CPNE4: variants seen among roughly 807,000 people sequenced by gnomAD.
CPNE4 encodes the protein copine-4.
CPNE4 carries 25 observed loss-of-function variants against 67.9 expected under a neutral mutation model. The observed-to-expected ratio is 0.37, with a 90% CI of 0.27 to 0.51. CPNE4 has a LOEUF of 0.51. Ranked by LOEUF, CPNE4 falls within the 20% of genes least tolerant of loss-of-function variation. CPNE4 has a pLI of 0.93. For synonymous variants in CPNE4, 242 were observed against 244.9 expected (o/e 0.99, Z 0.11); for missense variants, 464 against 690.8 (o/e 0.67, Z 3.68).
At chr3:131,664,699 G>T (rs2080214378) in intron 7 of CPNE4, among the ~76,000 whole-genome samples, 1 of 152,078 alleles carries the variant, frequency 6.6e-6, no homozygotes, top group South Asian at 2.1e-4. Flanking sequence ...ATGGGTTTTT[G>T]AGTCTCAGTT....
intron 2 of CPNE4, among the ~76,000 whole-genome samples, chr3:131,811,568 C>T (rs2084528157): frequency 6.6e-6 from 1 of 152,088 alleles, no homozygotes; most frequent in South Asian, 2.1e-4. Flanking sequence ...CATGGGAGTT[C>T]ACCCTTCCAC....
At chr3:132,035,612 G>A (rs1350085901), upstream of CPNE4, among the ~76,000 whole-genome samples, 1 of 152,178 alleles carries the variant, frequency 6.6e-6, no homozygotes, top group Non-Finnish European at 1.5e-5. Context: ...TATGTAAGGG[G>A]TGACCACTTC....
chr3:132,017,889 A>G (rs2073919318), intron 1 of CPNE4: 1 of 152,228 alleles, frequency 6.6e-6, no homozygotes, highest in Admixed American at 6.6e-5. Context: ...GCAGGGGAGA[A>G]TCTTTGAGGA....
At chr3:131,863,767 T>C (rs1315394675) in intron 2 of CPNE4, among the ~76,000 whole-genome samples, 1 of 152,242 alleles carries the variant, frequency 6.6e-6, no homozygotes, top group Non-Finnish European at 1.5e-5. Flanking sequence ...GTTTTAGACA[T>C]GAAGTCCTTG....
intron 7 of CPNE4, among the ~76,000 whole-genome samples, chr3:131,651,436 T>C (rs1035631209): frequency 3.9e-5 from 6 of 152,206 alleles, no homozygotes; most frequent in African/African-American, 1.4e-4. Flanking sequence ...GATAAACACA[T>C]CTACTATTTT....
At chr3:131,848,566 G>C (rs550667345) in intron 2 of CPNE4, among the ~76,000 whole-genome samples, 1 of 152,012 alleles carries the variant, frequency 6.6e-6, no homozygotes, top group African/African-American at 2.4e-5. Flanking sequence ...GAGTTTGCCA[G>C]GGAGGCTTCT....
rs772926767 is a variant in CPNE4, at chr3:131,549,952, C to G, written c.1297G>C (p.Ala433Pro). 5.6e-6 allele frequency: 9 copies of G among 1,612,950 alleles called. No individual in the cohort carries two copies. In the East Asian group the frequency reaches 2.0e-4, roughly 36 times the overall value. ...SASEETNTKE[A>P]SQYFILLILT... is the part of the protein sequence containing the mutation. ...GCAAATAGCCCCCTCCTTACCGATGCCTCCTTGGTGTTAGTTTCCTCTGAC... is the reference window on the plus strand; with the variant it reads ...GCAAATAGCCCCCTCCTTACCGATGGCTCCTTGGTGTTAGTTTCCTCTGAC... The change falls in exon 14 of 16, where the codon GCA (alanine) becomes CCA (proline). Residue 433 changes from alanine to proline, a missense_variant. Ala to Pro is a conservative substitution (Grantham distance 27). Around this residue, in one of 6 missense-constraint regions of CPNE4, gnomAD observed 201 missense variants for 357.7 expected, o/e 0.56. Transcript: ENST00000429747.
chr3:131,906,159 G>A (rs1236081811), intron 1 of CPNE4, among the ~76,000 whole-genome samples: 3 of 151,842 alleles, frequency 2.0e-5, no homozygotes, highest in East Asian at 3.9e-4. Flanking sequence ...AGCACTGCAG[G>A]CCCCCTGCCC....
chr3:131,808,428 A>G (rs2084402976), intron 2 of CPNE4, among the ~76,000 whole-genome samples: 1 of 152,118 alleles, frequency 6.6e-6, no homozygotes, highest in East Asian at 1.9e-4. Context: ...ATAAATAAAA[A>G]CCACAGTCAC....
intron 7 of CPNE4, among the ~76,000 whole-genome samples, chr3:131,663,341 C>T (rs1159325477): frequency 6.6e-6 from 1 of 151,936 alleles, no homozygotes; most frequent in Non-Finnish European, 1.5e-5. Context: ...GGGAGAGCAT[C>T]AGGACAAATA....
chr3:131,938,428 C>A (rs1481953413), intron 1 of CPNE4, among the ~76,000 whole-genome samples: 1 of 151,526 alleles, frequency 6.6e-6, no homozygotes, highest in Non-Finnish European at 1.5e-5. Context: ...ATTAGGGAGA[C>A]TTAATATAAT....
chr3:131,619,416 A>G lies in CPNE4; in HGVS notation c.682-31834T>C, dbSNP rs529751922. Among the ~76,000 whole-genome samples, 12 of 152,310 alleles carry G rather than the reference A, an allele frequency of 7.9e-5. 1 individual carries two copies. The highest frequency in any genetic ancestry group is 2.9e-4 in the African/African-American group (12 of 41,568). ...TCAGCATCCCTCAGCTGTAAAAACT[A>G]TAATATGACAGGTATTATAATATAG... is the stretch of plus-strand genomic sequence containing the variant. On this transcript the variant is annotated intron_variant, in intron 7 of 15. Coordinates refer to ENST00000429747, the MANE Select transcript of CPNE4 (RefSeq NM_130808.3).
intron 7 of CPNE4, among the ~76,000 whole-genome samples, chr3:131,637,801 C>G (rs998110164): frequency 2.0e-5 from 3 of 152,022 alleles, no homozygotes; most frequent in Non-Finnish European, 4.4e-5. Flanking sequence ...ATCAGGTAAC[C>G]TATAAAGGAA....
intron 2 of CPNE4, among the ~76,000 whole-genome samples, chr3:131,877,168 T>G (rs1433556321): frequency 6.6e-6 from 1 of 152,120 alleles, no homozygotes; most frequent in East Asian, 1.9e-4. Flanking sequence ...AGAAATCAAC[T>G]GAGCAGTGTT....
chr3:131,571,254 C>T (rs1043172299), intron 10 of CPNE4, among the ~76,000 whole-genome samples: 9 of 152,020 alleles, frequency 5.9e-5, no homozygotes, highest in Non-Finnish European at 1.2e-4. Context: ...CTTCTCTTAA[C>T]TCTTTGCCCC....
intron 2 of CPNE4, among the ~76,000 whole-genome samples, chr3:131,751,328 TG>T (rs1159109873): frequency 6.6e-6 from 1 of 152,096 alleles, no homozygotes; most frequent in Non-Finnish European, 1.5e-5. Context: ...TGTTATTCAT[TG>T]TTTTCAATCT....
chr3:131,588,380 T>A (rs1938319832), intron 7 of CPNE4, among the ~76,000 whole-genome samples: 1 of 152,126 alleles, frequency 6.6e-6, no homozygotes, highest in Non-Finnish European at 1.5e-5. Context: ...GGAGACTGGA[T>A]TGGAGTCTTC....
rs1426198654 is a variant in CPNE4, at chr3:131,584,477, A to C, written c.781-2812T>G. Reference sequence around the variant, plus strand: ...AAGCCTTCAACAAACCTTGTAGCTCATATCTCCAAAATATGTCTTAAGTCT... The same window carrying C: ...AAGCCTTCAACAAACCTTGTAGCTCCTATCTCCAAAATATGTCTTAAGTCT... On this transcript the variant is annotated intron_variant, in intron 8 of 15. Coordinates refer to ENST00000429747, the MANE Select transcript of CPNE4 (RefSeq NM_130808.3). 2.0e-5 allele frequency among the ~76,000 whole-genome samples: 3 copies of C among 152,252 alleles called. No individual in the cohort carries two copies. The East Asian group carries it at 5.8e-4, about 29-fold the overall frequency.
At chr3:132,006,996 A>T (rs1045384451) in intron 1 of CPNE4, among the ~76,000 whole-genome samples, 4 of 152,170 alleles carry the variant, frequency 2.6e-5, no homozygotes, top group Admixed American at 1.3e-4. Flanking sequence ...AAAAGCTCCT[A>T]CAATGACAGC....
Sources: gnomAD v4.1 joint callset for allele counts (sites outside exome capture counted in the v4.1 genomes callset) on GRCh38, gnomAD v4.1.1 for gene constraint, gnomAD v4.1.1 regional missense constraint, MANE v1.5 for transcripts, NCBI Gene and HGNC (gene_info 2026-07-23, HGNC 2026-07-21) for gene names.